Variants in INSL6 observed in about 807,000 individuals in gnomAD.
The protein encoded by INSL6 is insulin like 6.
In INSL6, 16 loss-of-function variants were observed where a neutral mutation model predicts 9.4. The ratio of observed to expected loss-of-function variants is 1.70; its 90% CI spans 1.15 to 2.59. The LOEUF is 2.59. Among genes scored for constraint, INSL6 ranks in the 30% most tolerant of loss-of-function variants. The probability of loss-of-function intolerance (pLI) is 0.00; values close to 1 mark genes in which losing one functional copy is unlikely to be tolerated. For synonymous variants in INSL6, 154 were observed against 96.9 expected, an observed-to-expected ratio of 1.59 and a Z score of -3.46; for missense variants, 391 against 257.3, an observed-to-expected ratio of 1.52 and a Z score of -3.56.
At chr9:5,177,939 G>A (rs990598612) in intron 1 of INSL6, among the ~76,000 whole-genome samples, 1 of 152,082 alleles carries the variant, frequency 6.6e-6, no homozygotes, top group Non-Finnish European at 1.5e-5. Context: ...ACAGTGGCGT[G>A]ATCTTGGCTC....
chr9:4,994,052 T>C, the INSL6 span, among the ~76,000 whole-genome samples: 33,149 of 152,144 alleles, frequency 0.22, 3,923 homozygotes, highest in Middle Eastern at 0.35. Context: ...CACTCGTGAC[T>C]GAACTGAATT....
At chr9:5,105,551 C>G in the INSL6 span, among the ~76,000 whole-genome samples, 1 of 152,124 alleles carries the variant, frequency 6.6e-6, no homozygotes, top group East Asian at 1.9e-4. Context: ...TTTCATAGAA[C>G]TGGAAACAAC....
chr9:5,023,296 T>G, the INSL6 span, among the ~76,000 whole-genome samples: 1 of 152,236 alleles, frequency 6.6e-6, no homozygotes, highest in Non-Finnish European at 1.5e-5. Flanking sequence ...CTCGACATAA[T>G]GACCTTCAGT....
At chr9:5,092,888 C>G in the INSL6 span, among the ~76,000 whole-genome samples, 1 of 152,152 alleles carries the variant, frequency 6.6e-6, no homozygotes, top group Admixed American at 6.5e-5. Context: ...AACTGTTAAT[C>G]TAAAGAGGGA....
At chr9:5,094,672 CAGAAAG>C in the INSL6 span, 1 of 152,154 alleles carries the variant, frequency 6.6e-6, no homozygotes, top group Admixed American at 6.5e-5. Flanking sequence ...TTTGACTTAA[CAGAAAG>C]AGAATCAGAA....
At chr9:5,039,564 T>C in the INSL6 span, among the ~76,000 whole-genome samples, 488 of 152,234 alleles carry the variant, frequency 3.2e-3, 1 homozygote, top group Middle Eastern at 0.017. Flanking sequence ...ATTCACAGAT[T>C]ACATGATCTT....
intron 1 of INSL6, among the ~76,000 whole-genome samples, chr9:5,167,900 C>T (rs1825091413): frequency 6.6e-6 from 1 of 152,148 alleles, no homozygotes; most frequent in Non-Finnish European, 1.5e-5. Context: ...TCTGCAGCCT[C>T]CACGGTGATA....
At chr9:5,039,104 G>A in the INSL6 span, among the ~76,000 whole-genome samples, 2 of 152,056 alleles carry the variant, frequency 1.3e-5, no homozygotes, top group South Asian at 4.1e-4. Flanking sequence ...AATGAGATGA[G>A]GATAGCTACT....
chr9:5,130,237 G>A (rs771603660), intron 3 of INSL6, among the ~76,000 whole-genome samples: 2 of 152,068 alleles, frequency 1.3e-5, no homozygotes, highest in African/African-American at 2.4e-5. Context: ...TGTATTATAA[G>A]CTTCTGTGAA....
the INSL6 span, among the ~76,000 whole-genome samples, chr9:5,088,836 C>T: frequency 1.3e-5 from 2 of 152,104 alleles, no homozygotes; most frequent in Non-Finnish European, 2.9e-5. Flanking sequence ...CATTAGAGTT[C>T]CACCCTTATA....
the INSL6 span, among the ~76,000 whole-genome samples, chr9:5,048,014 T>G: frequency 1.3e-5 from 2 of 152,224 alleles, no homozygotes. Flanking sequence ...TTGTAACTTT[T>G]CTCTAGTGAA....
At chr9:5,023,329 A>G in the INSL6 span, among the ~76,000 whole-genome samples, 1 of 152,190 alleles carries the variant, frequency 6.6e-6, no homozygotes, top group Admixed American at 6.5e-5. Flanking sequence ...GCTGTGAATG[A>G]CATGATTACA....
chr9:5,006,224 G>T, the INSL6 span, among the ~76,000 whole-genome samples: 22 of 152,184 alleles, frequency 1.4e-4, no homozygotes, highest in African/African-American at 4.1e-4. Context: ...CTTGTAAGTT[G>T]GATTCCTAGG....
the INSL6 span, chr9:5,109,364 A>G: frequency 2.0e-4 from 30 of 152,308 alleles, no homozygotes; most frequent in African/African-American, 6.7e-4. Context: ...TTATCTACCA[A>G]GAAAGTATGC....
the INSL6 span, chr9:5,073,836 GT>G: frequency 1.7e-6 from 2 of 1,210,964 alleles, no homozygotes; most frequent in Non-Finnish European, 1.2e-6. Flanking sequence ...ATCTGTTTTT[GT>G]TTATATAGAA....
At chr9:5,161,339 T>C (rs1564047701), downstream of INSL6, among the ~76,000 whole-genome samples, 1 of 152,194 alleles carries the variant, frequency 6.6e-6, no homozygotes, top group Non-Finnish European at 1.5e-5. Context: ...CATATGACCA[T>C]TTAAACTGAT....
At chr9:5,172,617 AAAAC>A (rs1213707047) in intron 1 of INSL6, among the ~76,000 whole-genome samples, 1 of 152,204 alleles carries the variant, frequency 6.6e-6, no homozygotes, top group African/African-American at 2.4e-5. Context: ...TTTACAAGAA[AAAAC>A]AAACAATCCG....
At chr9:5,136,794 T>G (rs1333036170) in intron 2 of INSL6, among the ~76,000 whole-genome samples, 1 of 152,008 alleles carries the variant, frequency 6.6e-6, no homozygotes, top group Admixed American at 6.6e-5. Context: ...GAGAAAGAAA[T>G]AAAGGGTATT....
At chr9:5,126,272 TGAGA>T (rs994375323) in intron 3 of INSL6, 9 of 1,227,428 alleles carry the variant, frequency 7.3e-6, no homozygotes, top group Non-Finnish European at 1.1e-5. Flanking sequence ...TGGAGGAAAT[TGAGA>T]AAGAATTTTG....
Sources: allele counts gnomAD v4.1 joint callset (sites outside exome capture counted in the v4.1 genomes callset), GRCh38; gene constraint gnomAD v4.1.1; transcripts MANE v1.5; gene names NCBI Gene and HGNC (gene_info 2026-07-23, HGNC 2026-07-21).